Variants in MICU3 observed in about 807,000 individuals in gnomAD.
The protein encoded by MICU3 is calcium uptake protein 3, mitochondrial.
Under a neutral mutation model 66.5 loss-of-function variants are expected in MICU3, and 62 were observed. That is an observed-to-expected ratio of 0.93 (90% CI 0.76 to 1.15). The LOEUF (loss-of-function observed/expected upper bound fraction) is 1.15. Among genes scored for constraint, MICU3 ranks in the 50% most tolerant of loss-of-function variants. MICU3 has a pLI of 0.00. For missense variants in MICU3, 779 were observed against 664.4 expected, an observed-to-expected ratio of 1.17 and a Z score of -1.90; for synonymous variants, 308 against 240.7, an observed-to-expected ratio of 1.28 and a Z score of -2.59.
intron 9 of MICU3, among the ~76,000 whole-genome samples, chr8:17,104,134 T>A (rs1021038170): frequency 1.3e-5 from 2 of 151,960 alleles, no homozygotes; most frequent in African/African-American, 4.8e-5. Context: ...AATTTGTGAT[T>A]AAACATTTCT....
intron 1 of MICU3, among the ~76,000 whole-genome samples, chr8:17,042,001 A>G (rs560606470): frequency 2.6e-5 from 4 of 152,308 alleles, no homozygotes; most frequent in South Asian, 2.1e-4. Flanking sequence ...AAATCTTTAC[A>G]TTTGTTCATG....
At chr8:17,070,930 C>T (rs191774903) in intron 3 of MICU3, among the ~76,000 whole-genome samples, 202 of 152,136 alleles carry the variant, frequency 1.3e-3, no homozygotes, top group Non-Finnish European at 2.4e-3. Flanking sequence ...GCATATACAG[C>T]GTGGATATAC....
intron 3 of MICU3, among the ~76,000 whole-genome samples, chr8:17,070,745 C>A (rs962995916): frequency 6.6e-6 from 1 of 151,718 alleles, no homozygotes; most frequent in South Asian, 2.1e-4. Flanking sequence ...ATTTGTGAAA[C>A]TTGAGAGACA....
chr8:17,103,164 TAAAAG>T (rs1266985646), intron 9 of MICU3, among the ~76,000 whole-genome samples: 2 of 151,820 alleles, frequency 1.3e-5, no homozygotes, highest in Non-Finnish European at 2.9e-5. Context: ...TTTTAATCAT[TAAAAG>T]AGAAGAAGAT....
At chr8:17,069,842 A>G (rs908002660) in intron 3 of MICU3, 123 bp downstream of exon 3, 1 of 289,424 alleles carries the variant, frequency 3.5e-6, no homozygotes, top group African/African-American at 2.2e-5. Context: ...ATTTTTTGGC[A>G]AATCAAATCA....
intron 8 of MICU3, among the ~76,000 whole-genome samples, chr8:17,095,904 G>C (rs762048617): frequency 2.0e-5 from 3 of 151,928 alleles, no homozygotes; most frequent in Admixed American, 2.0e-4. Context: ...ATTACAAAGT[G>C]TAAGAAAGTT....
At chr8:17,115,469 A>C (rs890854979) in intron 12 of MICU3, among the ~76,000 whole-genome samples, 3 of 152,198 alleles carry the variant, frequency 2.0e-5, no homozygotes, top group Non-Finnish European at 2.9e-5. Context: ...TCAGAATAGA[A>C]AAGTTGTTTG....
At chr8:17,107,237 G>C (rs1801817126) in intron 11 of MICU3, among the ~76,000 whole-genome samples, 1 of 152,156 alleles carries the variant, frequency 6.6e-6, no homozygotes, top group South Asian at 2.1e-4. Context: ...GACTGGAAAA[G>C]AAGGTAGACT....
intron 6 of MICU3, 32 bp from the exon 7 acceptor site, chr8:17,086,932 G>A: frequency 2.1e-6 from 3 of 1,459,022 alleles, no homozygotes; most frequent in Non-Finnish European, 2.9e-6. Flanking sequence ...ACTCTTGTTG[G>A]ATATTTGATT....
At chr8:17,097,187 A>G (rs1202912358) in intron 8 of MICU3, among the ~76,000 whole-genome samples, 1 of 151,812 alleles carries the variant, frequency 6.6e-6, no homozygotes, top group Non-Finnish European at 1.5e-5. Flanking sequence ...AAATATGTGA[A>G]TAATATTTTC....
At chr8:17,049,510 G>A in intron 1 of MICU3, 3 of 494,808 alleles carry the variant, frequency 6.1e-6, no homozygotes, top group Non-Finnish European at 1.2e-5. Context: ...TGTGGGCTTA[G>A]TATTTATTTG....
chr8:17,131,849 T>C, the MICU3 span: 1 of 152,162 alleles, frequency 6.6e-6, no homozygotes, highest in African/African-American at 2.4e-5. Flanking sequence ...ATTTCCAAAA[T>C]CCATCTTCAT....
rs1049404322 is a variant in MICU3 at position 17,027,455 on chromosome 8, G to T, written c.176G>T (p.Arg59Met). 1.7e-5 allele frequency: 22 copies of T among 1,296,888 alleles called. No individual in the cohort carries two copies. The highest frequency in any genetic ancestry group is 1.9e-5 in the Non-Finnish European group (20 of 1,027,286). 80.3% of individuals were successfully genotyped at this position (1,296,888 alleles called of 1,614,324 possible). A position where few individuals can be genotyped will look rare whatever the true frequency, so the allele number is the denominator to read the frequency against. Residue 59 changes from arginine to methionine, a missense_variant, in exon 1 of 15, where the codon AGG becomes ATG. Coordinates refer to ENST00000318063, the MANE Select transcript of MICU3 (RefSeq NM_181723.3). Reference sequence around the variant, plus strand: ...AGGGCTGTGGCGGAGGCGGCATGGAGGCGGCGGCGGCGCTGGGGGGAGCTG... The same window carrying T: ...AGGGCTGTGGCGGAGGCGGCATGGATGCGGCGGCGGCGCTGGGGGGAGCTG... ...EERAVAEAAW[R>M]RRRRWGELSV...
chr8:17,136,850 T>TG, the MICU3 span, among the ~76,000 whole-genome samples: 1 of 151,662 alleles, frequency 6.6e-6, no homozygotes. Flanking sequence ...TTTTTTTTTT[T>TG]TTTGAGACGG....
At chr8:17,038,187 G>A (rs1417726359) in intron 1 of MICU3, among the ~76,000 whole-genome samples, 1 of 152,078 alleles carries the variant, frequency 6.6e-6, no homozygotes, top group Non-Finnish European at 1.5e-5. Context: ...GCCCAGAGGT[G>A]GAATAATATG....
chr8:17,080,657 A>G (rs1821046275), intron 4 of MICU3, among the ~76,000 whole-genome samples: 1 of 152,114 alleles, frequency 6.6e-6, no homozygotes, highest in Non-Finnish European at 1.5e-5. Context: ...ATCAACCAGA[A>G]CTATCTGTCT....
intron 1 of MICU3, among the ~76,000 whole-genome samples, chr8:17,036,235 T>G (rs1267544756): frequency 6.6e-6 from 1 of 152,156 alleles, no homozygotes; most frequent in East Asian, 1.9e-4. Flanking sequence ...TGTTCATTCC[T>G]GCCGGTGGGC....
chr8:17,103,183 G>T (rs969945356), intron 9 of MICU3, among the ~76,000 whole-genome samples: 1 of 151,798 alleles, frequency 6.6e-6, no homozygotes, highest in African/African-American at 2.4e-5. Flanking sequence ...AGAAGATGTG[G>T]TCCATGGAGA....
At chr8:17,042,839 T>TGTAA (rs1180834284) in intron 1 of MICU3, among the ~76,000 whole-genome samples, 2 of 152,062 alleles carry the variant, frequency 1.3e-5, no homozygotes, top group African/African-American at 4.8e-5. Context: ...CAGTTGACAC[T>TGTAA]GTAAGTATTG....
Sources: gnomAD v4.1 joint callset for allele counts (sites outside exome capture counted in the v4.1 genomes callset) on GRCh38, gnomAD v4.1.1 for gene constraint, MANE v1.5 for transcripts, NCBI Gene and HGNC (gene_info 2026-07-23, HGNC 2026-07-21) for gene names.